Variants in ABCC12 observed in about 807,000 individuals in gnomAD.
ABCC12 encodes ATP-binding cassette sub-family C member 12.
A neutral mutation model predicts 151.1 loss-of-function variants in ABCC12; 142 were observed. The ratio of observed to expected loss-of-function variants is 0.94; its 90% CI spans 0.82 to 1.08. The LOEUF (loss-of-function observed/expected upper bound fraction) is 1.08. ABCC12 is among the 50% of genes least tolerant of loss of function. The probability of loss-of-function intolerance (pLI) is 0.00; values close to 1 mark genes in which losing one functional copy is unlikely to be tolerated. For synonymous variants in ABCC12, 645 were observed against 646.4 expected (o/e 1.00, Z 0.03); for missense variants, 1,638 against 1,691.1 (o/e 0.97, Z 0.55).
intron 6 of ABCC12, 76 bp downstream of exon 6, chr16:48,140,611 C>T: frequency 1.4e-6 from 2 of 1,391,508 alleles, no homozygotes; most frequent in Non-Finnish European, 2.0e-6. Flanking sequence ...GTGCTCCACT[C>T]AGGATCCACA....
Position 48,083,656 on chromosome 16 carries a change from G to A in ABCC12, c.*59C>T, listed in dbSNP as rs1476312014. 1.2e-5 allele frequency: 19 copies of A among 1,559,796 alleles called. No homozygotes were observed. The East Asian group carries it at 4.3e-4, about 35-fold the overall frequency. On this transcript the variant is annotated 3_prime_UTR_variant, in exon 31 of 31. Coordinates refer to ENST00000311303, the MANE Select transcript of ABCC12 (RefSeq NM_001393797.1). ...GGAGAGGACAGCCCCTCCTCCTGAAGACTCCTCCTATTCATCTCACAGAGC... is the reference window on the plus strand; with the variant it reads ...GGAGAGGACAGCCCCTCCTCCTGAAAACTCCTCCTATTCATCTCACAGAGC...
rs1448287642 is a variant in ABCC12, at chr16:48,096,827, G to A, written c.3114C>T (p.Phe1038=). ...TCAGGGTCACCAACAAGGCCACAGT[G>A]AAGGTAAGGATGTTCATGAGGACAT... The part of the protein sequence containing the change: ...RMDVLMNILT[F]TVALLVTLSF... Residue 1038 remains phenylalanine, a synonymous_variant, in exon 24 of 31, where the codon TTC becomes TTT. Transcript: ENST00000311303. 1 of 1,614,152 alleles carries A rather than the reference G, an allele frequency of 6.2e-7. No individual in the cohort carries two copies. Among genetic ancestry groups the A allele is most frequent in the South Asian group, 1.1e-5 (1 of 91,074 alleles).
chr16:48,101,043 C>G (rs772483072), intron 22 of ABCC12, 34 bp from the exon 23 acceptor site: 9 of 1,608,654 alleles, frequency 5.6e-6, no homozygotes, highest in Non-Finnish European at 7.6e-6. Flanking sequence ...AGGTGGGCCA[C>G]AAAGTGAGGT....
chr16:48,121,517 C>T, intron 13 of ABCC12, 199 bp downstream of exon 13: 3 of 587,500 alleles, frequency 5.1e-6, no homozygotes, highest in Non-Finnish European at 8.7e-6. Context: ...AGTGTGCAGT[C>T]GCAGGTCTGC....
At chr16:48,120,057 T>C (rs1964015596) in intron 13 of ABCC12, among the ~76,000 whole-genome samples, 1 of 152,210 alleles carries the variant, frequency 6.6e-6, no homozygotes, top group African/African-American at 2.4e-5. Flanking sequence ...AAGCCATTAC[T>C]TTCCAGAGCT....
chr16:48,129,727 C>A (rs571478549), intron 10 of ABCC12, among the ~76,000 whole-genome samples: 1 of 152,098 alleles, frequency 6.6e-6, no homozygotes, highest in Non-Finnish European at 1.5e-5. Context: ...TAAATCACTG[C>A]GCTAATCAGA....
At position 48,107,438 on chromosome 16, in the gene ABCC12, C is replaced by A; in HGVS notation, c.2372-13G>T. 6.2e-7 allele frequency: 1 copy of A among 1,611,362 alleles called. No homozygotes were observed. Among genetic ancestry groups the A allele is most frequent in the African/African-American group, 1.3e-5 (1 of 74,982 alleles). ...GAAAGGAGGTACCCTGCAAGAGGAG[C>A]GGAGAGGCCCAAGGGGCTGCAGACA... On this transcript the variant is annotated splice_polypyrimidine_tract_variant and intron_variant, in intron 19 of 30. Coordinates refer to ENST00000311303, the MANE Select transcript of ABCC12 (RefSeq NM_001393797.1).
chr16:48,087,848 T>G, intron 27 of ABCC12, 78 bp downstream of exon 27: 7 of 1,503,218 alleles, frequency 4.7e-6, no homozygotes, highest in Non-Finnish European at 5.5e-6. Context: ...AGCCATGCCC[T>G]GGGGACATCA....
rs146498624 is a variant in ABCC12 at position 48,105,152 on chromosome 16, G to C, written c.2660C>G (p.Thr887Arg). 22 of 1,614,040 alleles carry C rather than the reference G, an allele frequency of 1.4e-5. No homozygotes were observed. In the African/African-American group the frequency reaches 2.5e-4, roughly 19 times the overall value. The change falls in exon 21 of 31, where the codon ACG becomes AGG. Residue 887 changes from threonine to arginine, a missense_variant. Transcript: ENST00000311303. ...TLMASSSLHD[T>R]VFDKILKSPM... ...TTGTGGCCCTACCTTATCAAACACC[G>C]TGTCATGCAGAGAGGAGGATGCCAT...
intron 2 of ABCC12, 128 bp from the exon 3 acceptor site, chr16:48,146,602 C>T (rs922323128): frequency 1.7e-6 from 1 of 592,158 alleles, no homozygotes; most frequent in Non-Finnish European, 3.0e-6. Flanking sequence ...AATGAGCTTT[C>T]CACATTTGTA....
intron 3 of ABCC12, among the ~76,000 whole-genome samples, chr16:48,145,703 T>C (rs1272738434): frequency 1.3e-5 from 2 of 152,170 alleles, no homozygotes; most frequent in East Asian, 3.8e-4. Flanking sequence ...CTGCTGGAGG[T>C]TGAGCACACG....
chr16:48,111,736 C>T, intron 16 of ABCC12, 40 bp downstream of exon 16: 1 of 1,613,972 alleles, frequency 6.2e-7, no homozygotes. Flanking sequence ...CTGAGGGATT[C>T]CGCCCCAATT....
rs201098165 is a variant in ABCC12 at position 48,133,735 on chromosome 16, C to A, written c.1080G>T (p.Leu360=). The stretch of plus-strand genomic sequence containing the variant: ...TCAGGAGGATGTGGCAGGATAATGT[C>A]AGCACGATGGCTATGGTGGACACGA... ...APIVSTIAIV[L]TLSCHILLRR... The change falls in exon 9 of 31, where the codon CTG becomes CTT. Residue 360 remains leucine (L), a synonymous_variant. Coordinates refer to ENST00000311303, the MANE Select transcript of ABCC12 (RefSeq NM_001393797.1). The A allele has an allele frequency of 3.1e-6, 5 of 1,614,104 alleles. No individual in the cohort carries two copies. In the Middle Eastern group the frequency reaches 5.0e-4, roughly 160 times the overall value.
chr16:48,106,152 C>T (rs1316954567), intron 20 of ABCC12, among the ~76,000 whole-genome samples: 1 of 152,284 alleles, frequency 6.6e-6, no homozygotes, highest in Non-Finnish European at 1.5e-5. Flanking sequence ...ACAGTCATAG[C>T]GGAAATGTAA....
chr16:48,112,985 A>G (rs1201600948), intron 15 of ABCC12, among the ~76,000 whole-genome samples: 1 of 152,098 alleles, frequency 6.6e-6, no homozygotes, highest in East Asian at 1.9e-4. Flanking sequence ...TTTTGGAATG[A>G]GACACAGAGC....
intron 12 of ABCC12, among the ~76,000 whole-genome samples, chr16:48,122,990 G>A (rs1163434474): frequency 6.6e-6 from 1 of 152,250 alleles, no homozygotes; most frequent in East Asian, 1.9e-4. Context: ...GGCAGAAACA[G>A]CTGGGGAACC....
chr16:48,147,176 A>G (rs1965032441), intron 2 of ABCC12, among the ~76,000 whole-genome samples: 1 of 152,130 alleles, frequency 6.6e-6, no homozygotes, highest in Non-Finnish European at 1.5e-5. Flanking sequence ...CCAGGTGGAG[A>G]GGACACTTTT....
Position 48,086,756 on chromosome 16 carries a change from T to C in ABCC12, c.3699A>G (p.Thr1233=). 1 of 1,613,630 alleles carries C rather than the reference T, an allele frequency of 6.2e-7. No homozygotes were observed. Among genetic ancestry groups the C allele is most frequent in the African/African-American group, 1.3e-5 (1 of 75,012 alleles). Residue 1233 remains threonine, a synonymous_variant, in exon 28 of 31, where the codon ACA becomes ACG. Transcript: ENST00000311303. ...DEMLWQVLER[T]FMRDTIMKLP... ...AGAGACCTACTGTGTCTCTCATGAA[T>C]GTTCTCTCCAGAACCTGCCAGAGCA...
Position 48,091,120 on chromosome 16 carries a change from C to T in ABCC12, c.3285G>A (p.Ser1095=), listed in dbSNP as rs1962867731. ...TSVELLREYI[S]TCVPECTHPL... Reference sequence around the variant, plus strand: ...CCTCTCTGATGCACTAATTTCTTACCGAAATGTATTCCCTGAGCAGCTCCA... The same window carrying T: ...CCTCTCTGATGCACTAATTTCTTACTGAAATGTATTCCCTGAGCAGCTCCA... Residue 1095 remains serine, a splice_region_variant and synonymous_variant, in exon 25 of 31, where the codon TCG becomes TCA. Coordinates refer to ENST00000311303, the MANE Select transcript of ABCC12 (RefSeq NM_001393797.1). 1 of 1,614,014 alleles carries T rather than the reference C, an allele frequency of 6.2e-7. No homozygotes were observed. The highest frequency in any genetic ancestry group is 8.5e-7 in the Non-Finnish European group (1 of 1,179,912).
Sources: gnomAD v4.1 joint callset for allele counts (sites outside exome capture counted in the v4.1 genomes callset) on GRCh38, gnomAD v4.1.1 for gene constraint, MANE v1.5 for transcripts, NCBI Gene and HGNC (gene_info 2026-07-23, HGNC 2026-07-21) for gene names.